CELF2: variants seen among roughly 807,000 people sequenced by gnomAD.
CELF2 encodes CUG triplet repeat RNA-binding protein 2.
CELF2 carries 8 observed loss-of-function variants against 62.6 expected under a neutral mutation model. The observed-to-expected ratio is 0.13, with a 90% confidence interval of 0.07 to 0.23. The LOEUF (loss-of-function observed/expected upper bound fraction) is 0.23. Among genes scored for constraint, CELF2 ranks in the 10% least tolerant of loss-of-function variants. The pLI, the probability that CELF2 is intolerant of heterozygous loss-of-function variation, is 1.00. For synonymous variants in CELF2, 258 were observed against 250.0 expected (o/e 1.03, Z -0.30); for missense variants, 333 against 671.0 (o/e 0.50, Z 5.56).
chr10:10,522,241 C>T, the CELF2 span, among the ~76,000 whole-genome samples: 5 of 152,306 alleles, frequency 3.3e-5, no homozygotes, highest in South Asian at 2.1e-4. Flanking sequence ...ATCAAGATAT[C>T]GAAAGTAGCA....
At chr10:10,651,572 C>T in the CELF2 span, among the ~76,000 whole-genome samples, 9,250 of 136,664 alleles carry the variant, frequency 0.068, 457 homozygotes, top group Admixed American at 0.1. Context: ...CCCTGACCCC[C>T]GAGCAGCCTA....
At chr10:11,162,254 A>C (rs2133208376) in intron 1 of CELF2, among the ~76,000 whole-genome samples, 1 of 152,076 alleles carries the variant, frequency 6.6e-6, no homozygotes, top group Admixed American at 6.5e-5. Flanking sequence ...GCGCCAGGAG[A>C]GTGGTCAATG....
At chr10:10,832,274 A>ATAAAATT (rs1554847838) in intron 1 of CELF2, among the ~76,000 whole-genome samples, 2 of 33,716 alleles carry the variant, frequency 5.9e-5, no homozygotes, top group East Asian at 3.1e-3. Context: ...TCTAAAAAAA[A>ATAAAATT]AAAATAAAAA....
the CELF2 span, among the ~76,000 whole-genome samples, chr10:10,736,398 T>TTCTTTCTTTC: frequency 1.2e-4 from 14 of 119,748 alleles, no homozygotes; most frequent in East Asian, 1.6e-3. Context: ...CTTTCTTTCT[T>TTCTTTCTTTC]TTTTTTTTTT....
At chr10:10,558,705 A>G in the CELF2 span, among the ~76,000 whole-genome samples, 10 of 152,076 alleles carry the variant, frequency 6.6e-5, no homozygotes, top group Non-Finnish European at 7.3e-5. Context: ...TATTGCCACA[A>G]TTTCAGCTCC....
intron 2 of CELF2, among the ~76,000 whole-genome samples, chr10:10,994,962 C>T (rs564789150): frequency 6.6e-6 from 1 of 152,290 alleles, no homozygotes; most frequent in East Asian, 1.9e-4. Context: ...GCACACCCTT[C>T]AAGAGTCTCC....
intron 2 of CELF2, among the ~76,000 whole-genome samples, chr10:10,943,794 G>A (rs561909030): frequency 2.7e-5 from 4 of 147,264 alleles, no homozygotes; most frequent in South Asian, 2.2e-4. Flanking sequence ...GAGAGATGGC[G>A]TTTTGCCATG....
At chr10:11,271,929 C>T (rs1038638455) in intron 7 of CELF2, among the ~76,000 whole-genome samples, 1 of 152,150 alleles carries the variant, frequency 6.6e-6, no homozygotes, top group African/African-American at 2.4e-5. Context: ...AAAGAGGTTA[C>T]GTAACGTTAC....
At chr10:10,796,147 G>T (rs1008318172), upstream of CELF2, among the ~76,000 whole-genome samples, 1 of 152,154 alleles carries the variant, frequency 6.6e-6, no homozygotes, top group African/African-American at 2.4e-5. Context: ...AGGTCCACAG[G>T]CATCGCTTCT....
upstream of CELF2, chr10:10,796,802 A>G (rs2054164171): frequency 2.8e-6 from 2 of 710,972 alleles, no homozygotes; most frequent in Non-Finnish European, 3.5e-6. Context: ...AGTGTTATGT[A>G]AATGTTTGCA....
In CELF2 at chr10:11,296,123, C is replaced by T. The variant is rs1446743763; in HGVS notation, c.976+7571C>T. Among the ~76,000 whole-genome samples the T allele has an allele frequency of 1.3e-5, 2 of 152,216 alleles. No homozygotes were observed. Among genetic ancestry groups the T allele is most frequent in the Non-Finnish European group, 2.9e-5 (2 of 68,032 alleles). The stretch of plus-strand genomic sequence containing the variant: ...TCTCCTTGGCGGGTGCCTTCATCCC[C>T]GGGATGGACAGATCCTCGCGTGCAT... On this transcript the variant is annotated intron_variant, in intron 9 of 12. Transcript: ENST00000633077. The surrounding 1 kb of genome is among the most constrained non-coding windows in gnomAD (Gnocchi z 5.0).
the CELF2 span, among the ~76,000 whole-genome samples, chr10:10,759,881 G>T: frequency 6.6e-6 from 1 of 152,140 alleles, no homozygotes; most frequent in African/African-American, 2.4e-5. Flanking sequence ...AGAAATAGTA[G>T]TTAAAATAGC....
chr10:10,748,666 T>A, the CELF2 span, among the ~76,000 whole-genome samples: 1 of 136,950 alleles, frequency 7.3e-6, no homozygotes, highest in Non-Finnish European at 1.5e-5. Flanking sequence ...GAGAATAGCA[T>A]GAACCCAGAA....
the CELF2 span, among the ~76,000 whole-genome samples, chr10:10,547,727 G>GTGTA: frequency 6.7e-6 from 1 of 150,146 alleles, no homozygotes; most frequent in Non-Finnish European, 1.5e-5. Context: ...GTGTGTGTGT[G>GTGTA]TGTATCTCAG....
chr10:10,573,362 A>G, the CELF2 span, among the ~76,000 whole-genome samples: 2 of 152,200 alleles, frequency 1.3e-5, no homozygotes, highest in African/African-American at 4.8e-5. Flanking sequence ...ATTAGATCCT[A>G]TTTGTCAATT....
In CELF2 at chr10:11,159,924, T is replaced by C. The variant is rs1301277079; in HGVS notation, c.75-5562T>C. On this transcript the variant is annotated intron_variant, in intron 1 of 12. Transcript: ENST00000633077. This position sits in a 1 kb window ranked among gnomAD's most constrained non-coding sequence, Gnocchi z 5.0. ...GAAGTTAGGACATTAAGAAGAGCAT[T>C]GGCATACCTGGCAAGAGATGGGGCT... Among the ~76,000 whole-genome samples the C allele has an allele frequency of 6.6e-6, 1 of 152,228 alleles. No homozygotes were observed. Among genetic ancestry groups the C allele is most frequent in the Non-Finnish European group, 1.5e-5 (1 of 68,046 alleles).
chr10:10,803,619 A>G lies in CELF2; in HGVS notation c.53+4802A>G, dbSNP rs942076614. ...TCCCTGATGGACTGAATCATAGGCA[A>G]CAGCCAGTACTCAACTATATTGACT... On this transcript the variant is annotated intron_variant, in intron 1 of 13. Transcript: ENST00000636488. 4.6e-5 allele frequency among the ~76,000 whole-genome samples: 7 copies of G among 152,358 alleles called. No homozygotes were observed. The South Asian group carries it at 1.4e-3, about 32-fold the overall frequency.
chr10:11,202,900 C>CCTCT (rs2059535603), intron 2 of CELF2, among the ~76,000 whole-genome samples: 1 of 102,584 alleles, frequency 9.7e-6, no homozygotes, highest in East Asian at 3.8e-4. Flanking sequence ...CCCCCATCCT[C>CCTCT]ATCTCTCTCT....
At chr10:10,781,410 T>C in the CELF2 span, among the ~76,000 whole-genome samples, 1 of 152,210 alleles carries the variant, frequency 6.6e-6, no homozygotes, top group African/African-American at 2.4e-5. Context: ...GGAGGTTTAA[T>C]GGACTCACAG....
Sources: allele counts gnomAD v4.1 joint callset (sites outside exome capture counted in the v4.1 genomes callset), GRCh38; gene constraint gnomAD v4.1.1; non-coding constraint Gnocchi (gnomAD v3.1); transcripts MANE v1.5; gene names NCBI Gene and HGNC (gene_info 2026-07-23, HGNC 2026-07-21).